The following HRH1 variants were observed in gnomAD, a reference collection of about 807,000 sequenced individuals.
The protein encoded by HRH1 is histamine receptor H1, also known as histamine H1 receptor.
A neutral mutation model predicts 10.3 loss-of-function variants in HRH1; 6 were observed. The observed-to-expected ratio is 0.58, with a 90% CI of 0.32 to 1.15. The LOEUF (loss-of-function observed/expected upper bound fraction) is 1.15. Among genes scored for constraint, HRH1 ranks in the 50% most tolerant of loss-of-function variants. The pLI, the probability that HRH1 is intolerant of heterozygous loss-of-function variation, is 0.05. For synonymous variants in HRH1, 242 were observed against 236.7 expected (o/e 1.02, Z -0.21); for missense variants, 514 against 615.3 (o/e 0.84, Z 1.74).
intron 1 of HRH1, among the ~76,000 whole-genome samples, chr3:11,166,933 TTCCCCTGGCTTCTCCAGGCTA>T (rs1574984391): frequency 7.1e-6 from 1 of 140,676 alleles, no homozygotes; most frequent in East Asian, 2.3e-4. Flanking sequence ...CAACATCTCC[TTCCCCTGGCTTCTCCAGGCTA>T]GTGACATCTG....
intron 1 of HRH1, among the ~76,000 whole-genome samples, chr3:11,161,490 G>A (rs1004562381): frequency 6.6e-6 from 1 of 152,184 alleles, no homozygotes; most frequent in Admixed American, 6.5e-5. Flanking sequence ...GAGAGTCTGT[G>A]GACGTGATTG....
upstream of HRH1, among the ~76,000 whole-genome samples, chr3:11,152,433 T>C (rs1936656002): frequency 6.6e-6 from 1 of 152,176 alleles, no homozygotes. Context: ...ACATGTTGTT[T>C]CTAAGATGCT....
intron 1 of HRH1, among the ~76,000 whole-genome samples, chr3:11,218,550 G>A (rs2125038545): frequency 6.6e-6 from 1 of 152,176 alleles, no homozygotes; most frequent in East Asian, 1.9e-4. Context: ...CACATATGAG[G>A]AGCACACAGC....
chr3:11,222,187 C>T (rs1458883449), intron 1 of HRH1, among the ~76,000 whole-genome samples: 1 of 152,108 alleles, frequency 6.6e-6, no homozygotes, highest in East Asian at 1.9e-4. Flanking sequence ...TGAACACCCA[C>T]AGTCAGGAAC....
chr3:11,242,872 A>G (rs1280780528), intron 1 of HRH1, among the ~76,000 whole-genome samples: 1 of 151,740 alleles, frequency 6.6e-6, no homozygotes, highest in African/African-American at 2.4e-5. Flanking sequence ...CACTTAGTAC[A>G]TCTCCCCTGG....
chr3:11,183,286 G>A (rs1937391683), intron 1 of HRH1, among the ~76,000 whole-genome samples: 1 of 152,210 alleles, frequency 6.6e-6, no homozygotes, highest in Non-Finnish European at 1.5e-5. Flanking sequence ...CCTCACGGCG[G>A]CAGGGTCAGG....
chr3:11,237,801 G>C (rs1161226794), intron 1 of HRH1, among the ~76,000 whole-genome samples: 1 of 147,944 alleles, frequency 6.8e-6, no homozygotes, highest in Admixed American at 7.0e-5. Context: ...TCAGCCTCCC[G>C]AGTAGCTGGG....
At chr3:11,177,103 A>AG (rs1937262892) in intron 1 of HRH1, among the ~76,000 whole-genome samples, 1 of 152,050 alleles carries the variant, frequency 6.6e-6, no homozygotes, top group African/African-American at 2.4e-5. Flanking sequence ...CAAAAAAAAA[A>AG]AAAAATTAAG....
chr3:11,236,371 G>T (rs892175842), intron 1 of HRH1, among the ~76,000 whole-genome samples: 1 of 152,236 alleles, frequency 6.6e-6, no homozygotes, highest in Non-Finnish European at 1.5e-5. Context: ...GGAGGTTGCG[G>T]TGAGCTGAGA....
chr3:11,242,837 TTGAAAATTA>T (rs1475660970), intron 1 of HRH1, among the ~76,000 whole-genome samples: 1 of 152,238 alleles, frequency 6.6e-6, no homozygotes, highest in East Asian at 1.9e-4. Context: ...TGAACTTCTT[TTGAAAATTA>T]TGCTTACACT....
intron 1 of HRH1, among the ~76,000 whole-genome samples, chr3:11,184,639 G>A (rs926513784): frequency 9.2e-5 from 14 of 152,146 alleles, no homozygotes; most frequent in African/African-American, 2.9e-4. Flanking sequence ...AATCTTGGCC[G>A]GGCCCGATGA....
chr3:11,213,276 A>T (rs1575016945), intron 1 of HRH1, among the ~76,000 whole-genome samples: 1 of 152,322 alleles, frequency 6.6e-6, no homozygotes, highest in Admixed American at 6.5e-5. Flanking sequence ...ATAAGTAAAG[A>T]TTGGTTGATT....
chr3:11,224,691 C>T (rs2125041620), intron 1 of HRH1, among the ~76,000 whole-genome samples: 1 of 143,748 alleles, frequency 7.0e-6, no homozygotes, highest in African/African-American at 2.5e-5. Flanking sequence ...CTGAGCGAGA[C>T]TCCATCTCAA....
At chr3:11,221,094 G>A (rs966821485) in intron 1 of HRH1, among the ~76,000 whole-genome samples, 9 of 152,146 alleles carry the variant, frequency 5.9e-5, no homozygotes, top group Non-Finnish European at 8.8e-5. Context: ...AATCAATGCT[G>A]TCTACCACAA....
chr3:11,192,876 C>T (rs553170010), intron 1 of HRH1, among the ~76,000 whole-genome samples: 5 of 152,156 alleles, frequency 3.3e-5, no homozygotes, highest in Non-Finnish European at 5.9e-5. Flanking sequence ...TGGGCCTTGC[C>T]GTCTTGGGTT....
chr3:11,139,739 C>T (rs1936255651), intron 1 of HRH1, among the ~76,000 whole-genome samples: 2 of 151,934 alleles, frequency 1.3e-5, no homozygotes, highest in African/African-American at 2.4e-5. Flanking sequence ...AGTTTTAATG[C>T]CAAATGAAAG....
intron 1 of HRH1, among the ~76,000 whole-genome samples, chr3:11,186,855 T>G (rs1937459358): frequency 6.6e-6 from 1 of 152,184 alleles, no homozygotes; most frequent in Non-Finnish European, 1.5e-5. Flanking sequence ...GAATTTAGTA[T>G]GTATGAAAGG....
At chr3:11,187,346 G>A (rs1198772483) in intron 1 of HRH1, among the ~76,000 whole-genome samples, 6 of 151,848 alleles carry the variant, frequency 4.0e-5, no homozygotes, top group Non-Finnish European at 5.9e-5. Context: ...AAATCTGTCC[G>A]TAATTTTTTT....
rs1228201506 is a variant in HRH1 at position 11,260,805 on chromosome 3, G to A, written c.*304G>A. The A allele has an allele frequency of 3.3e-6, 1 of 305,416 alleles. No homozygotes were observed. Among genetic ancestry groups the A allele is most frequent in the Non-Finnish European group, 6.4e-6 (1 of 155,890 alleles). The allele number at this position is 305,416 out of a possible 1,614,324, so 18.9% of individuals were successfully genotyped here. On this transcript the variant is annotated 3_prime_UTR_variant, in exon 2 of 2. Coordinates refer to ENST00000431010, the MANE Select transcript of HRH1 (RefSeq NM_001098212.2). ...ATAAAAGAGAGAGAGAATCAGACCT[G>A]GGTGGAACTCTCCTGCTCCTCAGGA...
Sources: gnomAD v4.1 joint callset for allele counts (sites outside exome capture counted in the v4.1 genomes callset) on GRCh38, gnomAD v4.1.1 for gene constraint, MANE v1.5 for transcripts, NCBI Gene and HGNC (gene_info 2026-07-23, HGNC 2026-07-21) for gene names.